Variants in HYCC1 observed in about 807,000 individuals in gnomAD.
The protein encoded by HYCC1 is hyccin PI4KA lipid kinase complex subunit 1.
At chr7:22,947,371 G>C in the HYCC1 span, 1 of 694,218 alleles carries the variant, frequency 1.4e-6, no homozygotes, top group Non-Finnish European at 2.4e-6. Context: ...CCAAATATTT[G>C]CACTGTAGTA....
the HYCC1 span, among the ~76,000 whole-genome samples, chr7:22,960,895 C>T: frequency 6.6e-6 from 1 of 151,898 alleles, no homozygotes; most frequent in Non-Finnish European, 1.5e-5. Context: ...ACTAAAAATA[C>T]AAAAAATTAG....
At chr7:22,965,365 G>T in the HYCC1 span, among the ~76,000 whole-genome samples, 2 of 150,344 alleles carry the variant, frequency 1.3e-5, no homozygotes, top group South Asian at 4.2e-4. Context: ...TAGGCAAATA[G>T]TTACATACTC....
At chr7:22,988,568 T>C in the HYCC1 span, among the ~76,000 whole-genome samples, 3 of 152,142 alleles carry the variant, frequency 2.0e-5, no homozygotes, top group Non-Finnish European at 4.4e-5. Context: ...GGTGCCATTG[T>C]TTCTAGGTCC....
At chr7:22,914,661 C>A in the HYCC1 span, among the ~76,000 whole-genome samples, 1 of 152,140 alleles carries the variant, frequency 6.6e-6, no homozygotes, top group African/African-American at 2.4e-5. Context: ...GTCTCTGCTC[C>A]CAATGCAACT....
the HYCC1 span, among the ~76,000 whole-genome samples, chr7:23,006,489 G>A: frequency 2.0e-5 from 3 of 152,022 alleles, no homozygotes; most frequent in African/African-American, 7.3e-5. Flanking sequence ...GGATGGTCTC[G>A]ATCTCTTGAC....
chr7:22,976,859 G>T, the HYCC1 span: 1 of 1,065,898 alleles, frequency 9.4e-7, no homozygotes, highest in Non-Finnish European at 1.5e-6. Flanking sequence ...CTGCTGAAAA[G>T]GTGATATATA....
At chr7:22,989,285 A>AACACACACACACACAC in the HYCC1 span, among the ~76,000 whole-genome samples, 7 of 148,692 alleles carry the variant, frequency 4.7e-5, no homozygotes, top group East Asian at 2.0e-4. Context: ...ACAAGCAGGA[A>AACACACACACACACAC]ACACACACAC....
chr7:22,908,682 A>G, the HYCC1 span, among the ~76,000 whole-genome samples: 1 of 152,194 alleles, frequency 6.6e-6, no homozygotes, highest in Non-Finnish European at 1.5e-5. Context: ...TGTGTAGTAA[A>G]GAATTAAGTG....
the HYCC1 span, among the ~76,000 whole-genome samples, chr7:22,932,777 CTG>C: frequency 6.6e-6 from 1 of 152,098 alleles, no homozygotes; most frequent in Non-Finnish European, 1.5e-5. Flanking sequence ...ACAGGGACGA[CTG>C]TATGGGATTG....
the HYCC1 span, chr7:22,939,458 GAAA>G: frequency 2.7e-5 from 4 of 150,270 alleles, no homozygotes; most frequent in Non-Finnish European, 5.9e-5. Context: ...AATCTGACAG[GAAA>G]AAAAAAGAGA....
chr7:22,932,759 G>T, the HYCC1 span, among the ~76,000 whole-genome samples: 2 of 152,104 alleles, frequency 1.3e-5, no homozygotes, highest in African/African-American at 4.8e-5. Context: ...TGTGAATTTT[G>T]GGGAGTCACA....
At chr7:23,013,213 G>T in the HYCC1 span, among the ~76,000 whole-genome samples, 1 of 152,200 alleles carries the variant, frequency 6.6e-6, no homozygotes, top group Non-Finnish European at 1.5e-5. Flanking sequence ...GGATTCCCGA[G>T]TATGTTAAAA....
chr7:22,902,058 T>C, the HYCC1 span, among the ~76,000 whole-genome samples: 6 of 152,214 alleles, frequency 3.9e-5, no homozygotes, highest in Admixed American at 6.5e-5. Flanking sequence ...TTCTAAGGAA[T>C]TGATAGCATG....
the HYCC1 span, among the ~76,000 whole-genome samples, chr7:22,978,831 T>A: frequency 1.3e-5 from 2 of 152,120 alleles, no homozygotes; most frequent in African/African-American, 4.8e-5. Context: ...AATCTAAATA[T>A]TGCTGTAATT....
the HYCC1 span, among the ~76,000 whole-genome samples, chr7:22,982,556 A>G: frequency 6.6e-6 from 1 of 152,238 alleles, no homozygotes; most frequent in South Asian, 2.1e-4. Context: ...CTGCTGTTAG[A>G]GTCTATCATG....
chr7:22,906,210 A>T, the HYCC1 span, among the ~76,000 whole-genome samples: 1 of 152,184 alleles, frequency 6.6e-6, no homozygotes, highest in East Asian at 1.9e-4. Flanking sequence ...TAAATTTGAA[A>T]GTTATTCTAA....
the HYCC1 span, among the ~76,000 whole-genome samples, chr7:22,975,346 C>A: frequency 2.2e-3 from 340 of 152,224 alleles, 3 homozygotes; most frequent in South Asian, 0.012. Context: ...ATATTCTGGT[C>A]ATATTCAACC....
chr7:22,909,632 G>T, the HYCC1 span, among the ~76,000 whole-genome samples: 1 of 152,132 alleles, frequency 6.6e-6, no homozygotes, highest in Non-Finnish European at 1.5e-5. Flanking sequence ...TGGCCTTGCT[G>T]ACTCCCTAAG....
chr7:22,950,723 T>C, the HYCC1 span, among the ~76,000 whole-genome samples: 1 of 151,956 alleles, frequency 6.6e-6, no homozygotes, highest in Non-Finnish European at 1.5e-5. Flanking sequence ...TTTTTTATTA[T>C]GTTATCCAGA....
Sources: allele counts gnomAD v4.1 joint callset (sites outside exome capture counted in the v4.1 genomes callset), GRCh38; gene constraint gnomAD v4.1.1; transcripts MANE v1.5; gene names NCBI Gene and HGNC (gene_info 2026-07-23, HGNC 2026-07-21).